The following RBPMS variants were observed in gnomAD, a reference collection of about 807,000 sequenced individuals.
The protein encoded by RBPMS is RNA binding protein, mRNA processing factor.
In RBPMS, 7 loss-of-function variants were observed where a neutral mutation model predicts 26.8. The ratio of observed to expected loss-of-function variants is 0.26; its 90% CI spans 0.15 to 0.49. RBPMS has a LOEUF of 0.49. Ranked by LOEUF, RBPMS falls within the 20% of genes least tolerant of loss-of-function variation. The pLI, the probability that RBPMS is intolerant of heterozygous loss-of-function variation, is 0.98. For missense variants in RBPMS, 186 were observed against 250.0 expected, an observed-to-expected ratio of 0.74 and a Z score of 1.73; for synonymous variants, 96 against 93.3, an observed-to-expected ratio of 1.03 and a Z score of -0.17.
chr8:30,540,867 A>G (rs945236090), intron 5 of RBPMS, among the ~76,000 whole-genome samples: 7 of 152,186 alleles, frequency 4.6e-5, no homozygotes, highest in African/African-American at 1.4e-4. Context: ...TTGATGAAAG[A>G]ATGAATGAGA....
chr8:30,458,988 A>T (rs1388665432), intron 1 of RBPMS, among the ~76,000 whole-genome samples: 2 of 132,972 alleles, frequency 1.5e-5, no homozygotes, highest in African/African-American at 5.9e-5. Context: ...TTTGAGACGG[A>T]GTCTCACTCT....
intron 1 of RBPMS, among the ~76,000 whole-genome samples, chr8:30,472,675 T>TA (rs1817261746): frequency 6.6e-6 from 1 of 152,252 alleles, no homozygotes; most frequent in Non-Finnish European, 1.5e-5. Context: ...CAAACATACT[T>TA]ACATGCAAAT....
intron 1 of RBPMS, among the ~76,000 whole-genome samples, chr8:30,413,727 C>T (rs1244750455): frequency 6.6e-6 from 1 of 152,164 alleles, no homozygotes; most frequent in Non-Finnish European, 1.5e-5. Context: ...AATTCTCCTG[C>T]CTCAGCCTCC....
chr8:30,497,545 C>CA (rs1167916122), intron 4 of RBPMS, among the ~76,000 whole-genome samples: 1 of 152,006 alleles, frequency 6.6e-6, no homozygotes. Flanking sequence ...GACTCTGTCT[C>CA]AAAAATGATA....
intron 4 of RBPMS, among the ~76,000 whole-genome samples, chr8:30,497,623 G>GT (rs1820118321): frequency 6.6e-6 from 1 of 151,756 alleles, no homozygotes; most frequent in Non-Finnish European, 1.5e-5. Context: ...GTTTTGTTTT[G>GT]TTTGTTTGTT....
chr8:30,428,020 C>CTTTTTTTTTTTTTTTTTTTTTTTTTTTT (rs58756060), intron 1 of RBPMS, among the ~76,000 whole-genome samples: 1 of 103,940 alleles, frequency 9.6e-6, no homozygotes, highest in Non-Finnish European at 1.9e-5. Context: ...GAGACCCCAT[C>CTTTTTTTTTTTTTTTTTTTTTTTTTTTT]TTTTTTTTTT....
chr8:30,444,652 C>T (rs138578205), intron 1 of RBPMS: 11 of 152,206 alleles, frequency 7.2e-5, no homozygotes, highest in African/African-American at 2.6e-4. Flanking sequence ...GTATTTTTCG[C>T]ATATTATCTC....
intron 5 of RBPMS, among the ~76,000 whole-genome samples, chr8:30,509,760 G>T (rs552276941): frequency 2.6e-5 from 4 of 152,312 alleles, no homozygotes; most frequent in African/African-American, 9.6e-5. Context: ...TGGGCAGAAG[G>T]AACGGGACAC....
intron 1 of RBPMS, among the ~76,000 whole-genome samples, chr8:30,419,146 T>C (rs1389771173): frequency 1.3e-5 from 2 of 151,824 alleles, no homozygotes; most frequent in Non-Finnish European, 2.9e-5. Flanking sequence ...AGGGTTTTAA[T>C]TTTATTTTTA....
chr8:30,560,131 T>A (rs887744420), intron 7 of RBPMS, among the ~76,000 whole-genome samples: 4 of 152,002 alleles, frequency 2.6e-5, no homozygotes, highest in Non-Finnish European at 5.9e-5. Context: ...AAGAGAGCAT[T>A]GAATAAGATT....
chr8:30,570,081 T>A (rs1828164308), intron 8 of RBPMS, among the ~76,000 whole-genome samples: 1 of 152,210 alleles, frequency 6.6e-6, no homozygotes, highest in Non-Finnish European at 1.5e-5. Flanking sequence ...TGTGAACATT[T>A]ACAAGCTCAT....
chr8:30,475,989 G>A (rs10098287), intron 2 of RBPMS, among the ~76,000 whole-genome samples: 37,123 of 151,952 alleles, frequency 0.24, 4,886 homozygotes, highest in East Asian at 0.43. Context: ...TTCTTCTGCC[G>A]GGTTGTACTT....
At chr8:30,463,998 C>CA (rs897095927) in intron 1 of RBPMS, among the ~76,000 whole-genome samples, 1 of 152,034 alleles carries the variant, frequency 6.6e-6, no homozygotes, top group Non-Finnish European at 1.5e-5. Flanking sequence ...ATACAGAAAA[C>CA]AAAAAAATTA....
intron 8 of RBPMS, among the ~76,000 whole-genome samples, chr8:30,569,725 C>T (rs577707913): frequency 9.9e-4 from 151 of 152,132 alleles, no homozygotes; most frequent in African/African-American, 3.4e-3. Flanking sequence ...GTGGAAGGAG[C>T]AGATGAGCCA....
chr8:30,457,500 T>A (rs1318302654), intron 1 of RBPMS, among the ~76,000 whole-genome samples: 1 of 152,198 alleles, frequency 6.6e-6, no homozygotes, highest in Non-Finnish European at 1.5e-5. Context: ...TTAATAGCAA[T>A]TGAAGCACTG....
rs540678329 is a variant in RBPMS, at chr8:30,429,850, G to C, written c.66+44692G>C. On this transcript the variant is annotated intron_variant, in intron 1 of 8. Transcript: ENST00000397323. ...TGTTTAATTTTTAAAGTGAAAGAGG[G>C]AGAATGTTTTAGAAGAAGTTAAATA... Among the ~76,000 whole-genome samples, 18 of 152,342 alleles carry C rather than the reference G, an allele frequency of 1.2e-4. 2 individuals are homozygous for C. The highest frequency in any genetic ancestry group is 4.1e-4 in the African/African-American group (17 of 41,584).
intron 5 of RBPMS, among the ~76,000 whole-genome samples, chr8:30,541,291 G>A (rs1825367161): frequency 1.3e-5 from 2 of 152,092 alleles, no homozygotes; most frequent in Admixed American, 6.5e-5. Context: ...TTCATCAGAC[G>A]CTCTGCAGTT....
chr8:30,451,440 G>C (rs952939674), intron 1 of RBPMS, among the ~76,000 whole-genome samples: 1 of 152,340 alleles, frequency 6.6e-6, no homozygotes, highest in East Asian at 1.9e-4. Flanking sequence ...TTTTGATACA[G>C]GTCGTGTGAA....
intron 1 of RBPMS, among the ~76,000 whole-genome samples, chr8:30,393,294 C>T (rs1229798585): frequency 9.9e-5 from 15 of 151,822 alleles, no homozygotes; most frequent in Admixed American, 9.9e-4. Context: ...ACCTCCCAAA[C>T]TTGCCATTAA....
Sources: gnomAD v4.1 joint callset for allele counts (sites outside exome capture counted in the v4.1 genomes callset) on GRCh38, gnomAD v4.1.1 for gene constraint, MANE v1.5 for transcripts, NCBI Gene and HGNC (gene_info 2026-07-23, HGNC 2026-07-21) for gene names.